The following ZNF253 variants were observed in gnomAD, a reference collection of about 807,000 sequenced individuals.
ZNF253 encodes the protein zinc finger protein 253, also known as DNA-binding protein.
ZNF253 carries 8 observed loss-of-function variants against 11.9 expected under a neutral mutation model. The observed-to-expected ratio is 0.67, with a 90% CI of 0.40 to 1.22. The LOEUF is 1.22. ZNF253 is among the 50% of genes most tolerant of loss of function. The probability of loss-of-function intolerance (pLI) is 0.01; values close to 1 mark genes in which losing one functional copy is unlikely to be tolerated. For synonymous variants in ZNF253, 194 were observed against 194.9 expected, an observed-to-expected ratio of 1.00 and a Z score of 0.04; for missense variants, 485 against 586.9, an observed-to-expected ratio of 0.83 and a Z score of 1.79.
chr19:19,872,582 A>ATTATATATATATATATATTT (rs1324736336), intron 1 of ZNF253, among the ~76,000 whole-genome samples: 7 of 98,794 alleles, frequency 7.1e-5, no homozygotes, highest in African/African-American at 6.1e-4. Flanking sequence ...TATATATATT[A>ATTATATATATATATATATTT]TTATATATAT....
In ZNF253 at chr19:19,885,350, CTTTCTTCCTTTCTTTTCTTTCT is replaced by C. The variant is rs1568499300; in HGVS notation, c.226+5211_226+5232del. ...TCTTTCTTTCTTTCTTTCTTTCTTT[CTTTCTTCCTTTCTTTTCTTTCT>C]TTTCTTTCTTTTCTTTCTTTTCTTT... On this transcript the variant is annotated intron_variant, in intron 3 of 3. Transcript: ENST00000589717. Among the ~76,000 whole-genome samples, 63 of 58,906 alleles carry C rather than the reference CTTTCTTCCTTTCTTTTCTTTCT, an allele frequency of 1.1e-3. 6 individuals carry two copies. Among genetic ancestry groups the C allele is most frequent in the African/African-American group, 1.9e-3 (9 of 4,750 alleles). 38.6% of individuals were successfully genotyped at this position (58,906 alleles called of 152,430 possible). A position where few individuals can be genotyped will look rare whatever the true frequency, so the allele number is the denominator to read the frequency against.
chr19:19,878,679 G>A (rs1263944161), intron 2 of ZNF253, 72 bp downstream of exon 2: 4 of 1,517,366 alleles, frequency 2.6e-6, no homozygotes, highest in Non-Finnish European at 3.5e-6. Context: ...TAGAATGTTT[G>A]TTAGTAATTT....
chr19:19,881,906 C>T (rs1001707253), intron 3 of ZNF253, among the ~76,000 whole-genome samples: 2 of 151,724 alleles, frequency 1.3e-5, no homozygotes, highest in Admixed American at 6.6e-5. Context: ...ATAGAAGCAT[C>T]GGCTGGGCTC....
At chr19:19,879,962 T>C in intron 2 of ZNF253, 89 bp from the exon 3 acceptor site, 2 of 655,200 alleles carry the variant, frequency 3.1e-6, no homozygotes, top group South Asian at 7.0e-5. Flanking sequence ...TACTGGAATA[T>C]TTTATCACAT....
chr19:19,875,647 G>A (rs190282061), intron 1 of ZNF253, among the ~76,000 whole-genome samples: 1 of 151,998 alleles, frequency 6.6e-6, no homozygotes, highest in Non-Finnish European at 1.5e-5. Context: ...CGCCCGCCTC[G>A]GCCTCCCAAA....
At chr19:19,870,878 A>C (rs1335928605) in intron 1 of ZNF253, 1 of 152,194 alleles carries the variant, frequency 6.6e-6, no homozygotes, top group African/African-American at 2.4e-5. Flanking sequence ...TCTCATGATG[A>C]GAGCAGCTGT....
chr19:19,886,653 C>T (rs750478740), intron 3 of ZNF253, among the ~76,000 whole-genome samples: 1 of 152,166 alleles, frequency 6.6e-6, no homozygotes, highest in African/African-American at 2.4e-5. Context: ...TACCATATAA[C>T]ATGTCCAGTT....
chr19:19,882,998 A>G (rs2063184360), intron 3 of ZNF253, among the ~76,000 whole-genome samples: 1 of 152,010 alleles, frequency 6.6e-6, no homozygotes, highest in Non-Finnish European at 1.5e-5. Context: ...TAAATTATGC[A>G]TGTTTATTAC....
At chr19:19,874,736 C>T (rs906126776) in intron 1 of ZNF253, among the ~76,000 whole-genome samples, 1 of 151,930 alleles carries the variant, frequency 6.6e-6, no homozygotes, top group African/African-American at 2.4e-5. Flanking sequence ...ACGGTGAAAC[C>T]CCGTCTCTAC....
At chr19:19,882,553 T>TCA (rs1191177554) in intron 3 of ZNF253, among the ~76,000 whole-genome samples, 2 of 152,192 alleles carry the variant, frequency 1.3e-5, no homozygotes, top group Non-Finnish European at 2.9e-5. Context: ...CAGATGTGAG[T>TCA]CACGGTGTCC....
intron 3 of ZNF253, among the ~76,000 whole-genome samples, chr19:19,890,801 G>A (rs140789560): frequency 4.7e-5 from 7 of 150,386 alleles, no homozygotes; most frequent in Admixed American, 1.3e-4. Context: ...GGGGTTACAG[G>A]CATTAGCCAT....
intron 3 of ZNF253, among the ~76,000 whole-genome samples, chr19:19,889,219 A>G (rs990558413): frequency 6.6e-6 from 1 of 150,740 alleles, no homozygotes; most frequent in African/African-American, 2.4e-5. Flanking sequence ...TATTTTTTAT[A>G]TCCATAATTT....
intron 1 of ZNF253, among the ~76,000 whole-genome samples, chr19:19,874,602 G>A (rs1599551353): frequency 6.6e-6 from 1 of 151,658 alleles, no homozygotes; most frequent in Non-Finnish European, 1.5e-5. Flanking sequence ...CAGGGCGGTG[G>A]CTAGAAAATA....
At chr19:19,891,075 CA>C (rs2063227403) in intron 3 of ZNF253, among the ~76,000 whole-genome samples, 1 of 151,832 alleles carries the variant, frequency 6.6e-6, no homozygotes, top group African/African-American at 2.4e-5. Context: ...CTCCCGACCT[CA>C]TGATCCACCC....
rs1568502119 is a variant in ZNF253, at chr19:19,892,241, AG to A, written c.995del (p.Arg332LysfsTer108). On this transcript the variant is annotated frameshift_variant, in exon 4 of 4. Coordinates refer to ENST00000589717, the MANE Select transcript of ZNF253 (RefSeq NM_021047.3). LOFTEE classifies it low-confidence loss of function (END_TRUNC). The stretch of plus-strand genomic sequence containing the variant: ...CTGCTCTAACCTTACTATACATAAG[AG>A]AATTCATACAGGAGAGAAACCCTAC... Reference protein sequence around the residue: ...KHCSNLTIHKRIHTGEKPYKC... With the variant: ...KHCSNLTIHKXIHTGEKPYKC... 6.2e-7 allele frequency: 1 copy of A among 1,614,006 alleles called. No individual in the cohort carries two copies. The highest frequency in any genetic ancestry group is 2.2e-5 in the East Asian group (1 of 44,866).
At chr19:19,880,533 C>T (rs940084291) in intron 3 of ZNF253, among the ~76,000 whole-genome samples, 4 of 151,882 alleles carry the variant, frequency 2.6e-5, no homozygotes, top group African/African-American at 4.8e-5. Context: ...GGTGAAACTC[C>T]GTTTCTACTA....
At chr19:19,878,686 A>G in intron 2 of ZNF253, 79 bp downstream of exon 2, 3 of 1,498,440 alleles carry the variant, frequency 2.0e-6, no homozygotes, top group Non-Finnish European at 2.7e-6. Context: ...TTTGTTAGTA[A>G]TTTATTCTTT....
At position 19,892,620 on chromosome 19, in the gene ZNF253, G is replaced by A; in HGVS notation, c.1373G>A (p.Gly458Asp). ...GEKPYKCEECGKAFNWSSDLN... is the reference protein window; with the variant it reads ...GEKPYKCEECDKAFNWSSDLN... The stretch of plus-strand genomic sequence containing the variant: ...AAACCTTACAAATGTGAAGAATGTG[G>A]CAAAGCTTTTAACTGGTCCTCAGAC... Residue 458 changes from glycine (G) to aspartate (D), a missense_variant, in exon 4 of 4, where the codon GGC (glycine) becomes GAC (aspartate). Physicochemically the swap from Gly to Asp is moderately conservative, Grantham distance 94. This residue lies in a region of ZNF253 where 232 missense variants were observed against 321.4 expected (regional missense o/e 0.72). Coordinates refer to ENST00000589717, the MANE Select transcript of ZNF253 (RefSeq NM_021047.3). 1.9e-6 allele frequency: 3 copies of A among 1,614,034 alleles called. No individual in the cohort carries two copies. The South Asian group carries it at 3.3e-5, about 18-fold the overall frequency.
At chr19:19,883,767 C>T (rs1392132274) in intron 3 of ZNF253, among the ~76,000 whole-genome samples, 1 of 152,116 alleles carries the variant, frequency 6.6e-6, no homozygotes, top group East Asian at 1.9e-4. Flanking sequence ...CTTATGATAC[C>T]TCATATAGCT....
Sources: allele counts gnomAD v4.1 joint callset (sites outside exome capture counted in the v4.1 genomes callset), GRCh38; gene constraint gnomAD v4.1.1; regional missense constraint gnomAD v4.1.1; transcripts MANE v1.5; gene names NCBI Gene and HGNC (gene_info 2026-07-23, HGNC 2026-07-21).